The following ATP6V0D2 variants were observed in gnomAD, a reference collection of about 807,000 sequenced individuals.
ATP6V0D2 encodes the protein V-type proton ATPase subunit d 2.
Under a neutral mutation model 40.0 loss-of-function variants are expected in ATP6V0D2, and 40 were observed. The ratio of observed to expected loss-of-function variants is 1.00; its 90% CI spans 0.78 to 1.30. ATP6V0D2 has a LOEUF of 1.30. ATP6V0D2 is among the 50% of genes most tolerant of loss of function. The pLI is 0.00. For missense variants in ATP6V0D2, 470 were observed against 423.1 expected (o/e 1.11, Z -0.97); for synonymous variants, 179 against 156.3 (o/e 1.15, Z -1.08).
chr8:86,133,316 C>CTTTT lies in ATP6V0D2; in HGVS notation c.303-6119_303-6116dup, dbSNP rs1242479597. Among the ~76,000 whole-genome samples, 217 of 77,296 alleles carry CTTTT rather than the reference C, an allele frequency of 2.8e-3. 6 individuals are homozygous for CTTTT. The highest frequency in any genetic ancestry group is 3.4e-3 in the Non-Finnish European group (144 of 42,834). 50.7% of individuals were successfully genotyped at this position (77,296 alleles called of 152,430 possible). On this transcript the variant is annotated intron_variant, in intron 2 of 7. Coordinates refer to ENST00000285393, the MANE Select transcript of ATP6V0D2 (RefSeq NM_152565.1). ...AGGGGCAGCTTCACAAACAGAAAGTCTTTTTTTTTTTTTTTTTTTTTTTTT... is the reference window on the plus strand; with the variant it reads ...AGGGGCAGCTTCACAAACAGAAAGTCTTTTTTTTTTTTTTTTTTTTTTTTTTTTT...
chr8:86,122,328 T>C lies in ATP6V0D2; in HGVS notation c.302+8448T>C, dbSNP rs573505537. ...CCTAATTCTCAGTTTACTAAGAATC[T>C]GACGTTAAGGACCACACACTGAAGA... On this transcript the variant is annotated intron_variant, in intron 2 of 7. Transcript: ENST00000285393. 1.4e-3 allele frequency among the ~76,000 whole-genome samples: 219 copies of C among 152,328 alleles called. 1 individual carries two copies. Among genetic ancestry groups the C allele is most frequent in the Non-Finnish European group, 4.6e-4 (31 of 68,034 alleles).
chr8:86,099,071 A>C lies in ATP6V0D2; in HGVS notation c.93A>C (p.Gln31His), dbSNP rs750444469. 1 of 1,613,910 alleles carries C rather than the reference A, an allele frequency of 6.2e-7. No homozygotes were observed. Among genetic ancestry groups the C allele is most frequent in the Non-Finnish European group, 8.5e-7 (1 of 1,179,966 alleles). Residue 31 changes from glutamine (Q) to histidine (H), a missense_variant, in exon 1 of 8, where the codon CAA becomes CAC. By Grantham distance (24) the Gln-to-His change is conservative. Coordinates refer to ENST00000285393, the MANE Select transcript of ATP6V0D2 (RefSeq NM_152565.1). ...GCAAGGCCAGCCTCCTGACCCAGCA[A>C]GACTATATCAACCTGGTCCAGTGTG... is the stretch of plus-strand genomic sequence containing the variant. ...RGCKASLLTQ[Q>H]DYINLVQCET...
At chr8:86,134,961 T>C (rs1422031133) in intron 2 of ATP6V0D2, among the ~76,000 whole-genome samples, 1 of 152,040 alleles carries the variant, frequency 6.6e-6, no homozygotes, top group Non-Finnish European at 1.5e-5. Context: ...CTGCCAGTTA[T>C]ATATTATTCA....
chr8:86,133,447 C>T (rs1014381796), intron 2 of ATP6V0D2, among the ~76,000 whole-genome samples: 20 of 151,136 alleles, frequency 1.3e-4, no homozygotes, highest in Non-Finnish European at 2.2e-4. Context: ...CTCAGCCTCC[C>T]GAGTAGCTAG....
chr8:86,148,580 G>A (rs1193039884), intron 5 of ATP6V0D2, among the ~76,000 whole-genome samples: 1 of 152,182 alleles, frequency 6.6e-6, no homozygotes, highest in South Asian at 2.1e-4. Context: ...TGGTTGAGTA[G>A]GGTTGGACTG....
Position 86,153,049 on chromosome 8 carries a change from T to G in ATP6V0D2, c.*72T>G, listed in dbSNP as rs1819178800. ...AGTTATTGAAGAAAATAAAAGAAAT[T>G]ATGTTATATTATCTAGACTACACAA... On this transcript the variant is annotated 3_prime_UTR_variant, in exon 8 of 8. Coordinates refer to ENST00000285393, the MANE Select transcript of ATP6V0D2 (RefSeq NM_152565.1). 7.6e-7 allele frequency: 1 copy of G among 1,315,494 alleles called. No homozygotes were observed. The highest frequency in any genetic ancestry group is 1.0e-6 in the Non-Finnish European group (1 of 982,100). 81.5% of individuals were successfully genotyped at this position (1,315,494 alleles called of 1,614,324 possible).
intron 1 of ATP6V0D2, among the ~76,000 whole-genome samples, chr8:86,102,763 TC>T: frequency 6.6e-6 from 1 of 152,332 alleles, no homozygotes; most frequent in South Asian, 2.1e-4. Context: ...GATTCAGATC[TC>T]TGGATCCACT....
At chr8:86,123,100 C>T (rs538057899) in intron 2 of ATP6V0D2, among the ~76,000 whole-genome samples, 19 of 152,288 alleles carry the variant, frequency 1.2e-4, no homozygotes, top group African/African-American at 4.6e-4. Context: ...TTGAACACTT[C>T]CGCTACCTCT....
rs757914270 is a variant in ATP6V0D2, at chr8:86,142,966, T to C, written c.639+12T>C. ...GTCCCATTCTTGAGGTAAGAAAGAG[T>C]CCTTGAATTTTGTTATGCTAAATAA... On this transcript the variant is annotated intron_variant, in intron 5 of 7. Transcript: ENST00000285393. 6 of 1,583,302 alleles carry C rather than the reference T, an allele frequency of 3.8e-6. No individual in the cohort carries two copies. In the South Asian group the frequency reaches 6.8e-5, roughly 18 times the overall value.
chr8:86,099,078 A>G lies in ATP6V0D2; in HGVS notation c.100A>G (p.Ile34Val). The change falls in exon 1 of 8, where the codon ATC (isoleucine) becomes GTC (valine). Residue 34 changes from isoleucine (I) to valine (V), a missense_variant. Physicochemically the swap from Ile to Val is conservative, Grantham distance 29 (BLOSUM62 3). Coordinates refer to ENST00000285393, the MANE Select transcript of ATP6V0D2 (RefSeq NM_152565.1). ...KASLLTQQDY[I>V]NLVQCETLED... ...CAGCCTCCTGACCCAGCAAGACTAT[A>G]TCAACCTGGTCCAGTGTGAGACCCT... is the stretch of plus-strand genomic sequence containing the variant. 1 of 1,613,666 alleles carries G rather than the reference A, an allele frequency of 6.2e-7. No individual in the cohort carries two copies. The highest frequency in any genetic ancestry group is 8.5e-7 in the Non-Finnish European group (1 of 1,179,942).
Position 86,098,916 on chromosome 8 carries a change from C to T in ATP6V0D2, c.-63C>T, listed in dbSNP as rs1818355715. 6.4e-7 allele frequency: 1 copy of T among 1,562,824 alleles called. No individual in the cohort carries two copies. Among genetic ancestry groups the T allele is most frequent in the Non-Finnish European group, 8.7e-7 (1 of 1,153,442 alleles). On this transcript the variant is annotated 5_prime_UTR_variant, in exon 1 of 8. Transcript: ENST00000285393. ...GCACTTTTCCCAGGCTAGTGCAAAT[C>T]TTCAGGGGCCGTCCAGGACTACAGA...
chr8:86,102,051 A>T (rs1350318250), intron 1 of ATP6V0D2, among the ~76,000 whole-genome samples: 1 of 152,188 alleles, frequency 6.6e-6, no homozygotes, highest in Non-Finnish European at 1.5e-5. Context: ...GTGACCACCT[A>T]ACACGCTATT....
At chr8:86,125,524 AC>A (rs1283877784) in intron 2 of ATP6V0D2, among the ~76,000 whole-genome samples, 1 of 152,212 alleles carries the variant, frequency 6.6e-6, no homozygotes, top group African/African-American at 2.4e-5. Flanking sequence ...ACAAGTTAGT[AC>A]CTTTATAATC....
intron 2 of ATP6V0D2, among the ~76,000 whole-genome samples, chr8:86,119,584 C>T (rs1035616657): frequency 6.6e-6 from 1 of 152,132 alleles, no homozygotes; most frequent in East Asian, 1.9e-4. Flanking sequence ...ATTAAGCAAG[C>T]ATCCTTATTT....
Position 86,142,935 on chromosome 8 carries a change from TTA to T in ATP6V0D2, c.622_623del (p.Met208ValfsTer5). The stretch of plus-strand genomic sequence containing the variant: ...AATCATGGTGATGTCACAGCAGAAG[TTA>T]TGTGTCCCATTCTTGAGGTAAGAAA... On this transcript the variant is annotated frameshift_variant, in exon 5 of 8. Coordinates refer to ENST00000285393, the MANE Select transcript of ATP6V0D2 (RefSeq NM_152565.1). LOFTEE classifies it high-confidence loss of function. 1.2e-6 allele frequency: 2 copies of T among 1,610,226 alleles called. No individual in the cohort carries two copies. The highest frequency in any genetic ancestry group is 1.7e-6 in the Non-Finnish European group (2 of 1,177,600).
intron 1 of ATP6V0D2, among the ~76,000 whole-genome samples, chr8:86,106,565 A>G (rs1818472159): frequency 6.6e-6 from 1 of 152,220 alleles, no homozygotes; most frequent in Non-Finnish European, 1.5e-5. Flanking sequence ...ACATACAACA[A>G]GAATTTGTTT....
At chr8:86,108,595 A>T (rs1034264531) in intron 1 of ATP6V0D2, among the ~76,000 whole-genome samples, 3 of 152,022 alleles carry the variant, frequency 2.0e-5, no homozygotes, top group African/African-American at 4.8e-5. Context: ...AACAGTAGAT[A>T]GTCACTTCTC....
At chr8:86,145,209 A>G (rs28567720) in intron 5 of ATP6V0D2, among the ~76,000 whole-genome samples, 1 of 29,502 alleles carries the variant, frequency 3.4e-5, no homozygotes, top group African/African-American at 1.5e-4. Context: ...GAAAGAAAGA[A>G]AGAAAGAAAG....
chr8:86,152,798 C>CT lies in ATP6V0D2; in HGVS notation c.892-11dup. 2 of 1,581,650 alleles carry CT rather than the reference C, an allele frequency of 1.3e-6. No individual in the cohort carries two copies. Among genetic ancestry groups the CT allele is most frequent in the Admixed American group, 1.9e-5 (1 of 52,040 alleles). On this transcript the variant is annotated splice_polypyrimidine_tract_variant and intron_variant, in intron 7 of 7. Transcript: ENST00000285393. ...CCAAATAAGTTGATGATCTGTGTTA[C>CT]TTTTTTTCTTTCCTCAGGTACAAAT...
Sources: allele counts gnomAD v4.1 joint callset (sites outside exome capture counted in the v4.1 genomes callset), GRCh38; gene constraint gnomAD v4.1.1; transcripts MANE v1.5; gene names NCBI Gene and HGNC (gene_info 2026-07-23, HGNC 2026-07-21).